PPP1R13B: variants seen among roughly 807,000 people sequenced by gnomAD.
PPP1R13B encodes apoptosis-stimulating of p53 protein 1.
In PPP1R13B, 44 loss-of-function variants were observed where a neutral mutation model predicts 119.8. That is an observed-to-expected ratio of 0.37 (90% confidence interval 0.29 to 0.47). The LOEUF is 0.47. Among genes scored for constraint, PPP1R13B ranks in the 20% least tolerant of loss-of-function variants. The pLI is 0.99. For missense variants in PPP1R13B, 1,227 were observed against 1,413.5 expected, an observed-to-expected ratio of 0.87 and a Z score of 2.12; for synonymous variants, 542 against 561.5, an observed-to-expected ratio of 0.97 and a Z score of 0.49.
intron 1 of PPP1R13B, among the ~76,000 whole-genome samples, chr14:103,806,534 A>G (rs2086022381): frequency 6.6e-6 from 1 of 152,190 alleles, no homozygotes; most frequent in Non-Finnish European, 1.5e-5. Flanking sequence ...TTAGCTTTCC[A>G]GCAGGCCACG....
At chr14:103,819,975 C>T (rs1218947297) in intron 1 of PPP1R13B, among the ~76,000 whole-genome samples, 3 of 152,198 alleles carry the variant, frequency 2.0e-5, no homozygotes, top group African/African-American at 7.2e-5. Flanking sequence ...CAGATATGAA[C>T]ACCAGTCTGA....
chr14:103,829,788 A>AT (rs1315751567), intron 1 of PPP1R13B, among the ~76,000 whole-genome samples: 18 of 149,490 alleles, frequency 1.2e-4, no homozygotes, highest in East Asian at 3.9e-4. Context: ...ATATTTTACT[A>AT]TTTTTTTTTT....
chr14:103,755,553 C>T (rs2084656729), intron 5 of PPP1R13B, among the ~76,000 whole-genome samples: 1 of 152,018 alleles, frequency 6.6e-6, no homozygotes, highest in African/African-American at 2.4e-5. Flanking sequence ...ATTCATGATC[C>T]CATATGTATG....
At chr14:103,810,926 TAA>T (rs35556963) in intron 1 of PPP1R13B, among the ~76,000 whole-genome samples, 9 of 133,170 alleles carry the variant, frequency 6.8e-5, no homozygotes, top group Non-Finnish European at 4.8e-5. Context: ...CCGTCTCTAC[TAA>T]AAAAAAAAAA....
At chr14:103,744,176 T>C (rs1206575155) in intron 9 of PPP1R13B, among the ~76,000 whole-genome samples, 3 of 152,254 alleles carry the variant, frequency 2.0e-5, no homozygotes, top group Admixed American at 6.5e-5. Context: ...GGAAGTTTTA[T>C]GGAAATCAGC....
chr14:103,790,498 A>G (rs535999211), intron 2 of PPP1R13B, among the ~76,000 whole-genome samples: 3 of 151,944 alleles, frequency 2.0e-5, no homozygotes, highest in Admixed American at 2.0e-4. Context: ...AAAGAGGCCC[A>G]AGACATGGTG....
intron 8 of PPP1R13B, among the ~76,000 whole-genome samples, chr14:103,747,994 G>A (rs76982722): frequency 2.3e-3 from 353 of 151,738 alleles, no homozygotes; most frequent in Middle Eastern, 0.017. Context: ...GGGCCTCCAC[G>A]CTGCCGGCCG....
At chr14:103,758,843 A>G (rs146788453) in intron 4 of PPP1R13B, among the ~76,000 whole-genome samples, 1 of 152,246 alleles carries the variant, frequency 6.6e-6, no homozygotes, top group East Asian at 1.9e-4. Context: ...TAAACCTCTT[A>G]TAATTCTTAA....
intron 4 of PPP1R13B, among the ~76,000 whole-genome samples, chr14:103,772,050 T>G (rs1176836215): frequency 6.6e-6 from 1 of 152,036 alleles, no homozygotes; most frequent in African/African-American, 2.4e-5. Flanking sequence ...TTACTAGAGA[T>G]TATGTTTTCT....
chr14:103,796,613 G>A (rs962070977), intron 2 of PPP1R13B, among the ~76,000 whole-genome samples: 2 of 152,130 alleles, frequency 1.3e-5, no homozygotes, highest in African/African-American at 2.4e-5. Flanking sequence ...ATGACCCAGA[G>A]ATTCCTAGGT....
chr14:103,749,033 T>C (rs112406695), intron 8 of PPP1R13B, among the ~76,000 whole-genome samples: 2,422 of 152,318 alleles, frequency 0.016, 27 homozygotes, highest in Non-Finnish European at 0.029. Flanking sequence ...GAAAGGACTT[T>C]CACATTTTCC....
chr14:103,827,360 G>C (rs1307114669), intron 1 of PPP1R13B, among the ~76,000 whole-genome samples: 4 of 152,028 alleles, frequency 2.6e-5, no homozygotes, highest in Non-Finnish European at 2.9e-5. Context: ...ATACTTTTTG[G>C]GGTGGAGAGT....
At chr14:103,735,946 G>A (rs770077871) in intron 16 of PPP1R13B, 57 bp downstream of exon 16, 100 of 1,567,816 alleles carry the variant, frequency 6.4e-5, no homozygotes, top group South Asian at 1.7e-4. Flanking sequence ...GGATAGGACC[G>A]CATGCTGTAC....
At chr14:103,763,169 G>T in intron 4 of PPP1R13B, 1 of 602,738 alleles carries the variant, frequency 1.7e-6, no homozygotes, top group Non-Finnish European at 3.0e-6. Flanking sequence ...AGATGGACCC[G>T]GATTTCAGAA....
intron 1 of PPP1R13B, among the ~76,000 whole-genome samples, chr14:103,803,817 CACA>C (rs2085957752): frequency 6.6e-6 from 1 of 152,110 alleles, no homozygotes; most frequent in African/African-American, 2.4e-5. Flanking sequence ...TGATGAATCA[CACA>C]ACAAATCCTG....
intron 1 of PPP1R13B, among the ~76,000 whole-genome samples, chr14:103,824,837 A>C (rs1176651419): frequency 6.6e-6 from 1 of 152,202 alleles, no homozygotes; most frequent in Non-Finnish European, 1.5e-5. Context: ...CTGGGCCATC[A>C]CATCTTTCAC....
At chr14:103,746,319 G>T in intron 9 of PPP1R13B, 54 bp downstream of exon 9, 1 of 1,128,794 alleles carries the variant, frequency 8.9e-7, no homozygotes, top group Non-Finnish European at 1.1e-6. Flanking sequence ...TCCACCGCAG[G>T]CCCCATTCCC....
chr14:103,786,032 A>C (rs1242032451), intron 2 of PPP1R13B, among the ~76,000 whole-genome samples: 5 of 151,998 alleles, frequency 3.3e-5, no homozygotes, highest in Admixed American at 6.6e-5. Flanking sequence ...GCTTACTCAC[A>C]ATCTCTCACT....
chr14:103,759,489 G>A (rs1440812658), intron 4 of PPP1R13B, among the ~76,000 whole-genome samples: 2 of 151,746 alleles, frequency 1.3e-5, no homozygotes, highest in Non-Finnish European at 2.9e-5. Flanking sequence ...ATTTTTTGTA[G>A]AGGCAGGGGT....
Sources: gnomAD v4.1 joint callset for allele counts (sites outside exome capture counted in the v4.1 genomes callset) on GRCh38, gnomAD v4.1.1 for gene constraint, MANE v1.5 for transcripts, NCBI Gene and HGNC (gene_info 2026-07-23, HGNC 2026-07-21) for gene names.